The following RAB40C variants were observed in gnomAD, a reference collection of about 807,000 sequenced individuals.
RAB40C encodes the protein ras-related protein Rab-40C.
A neutral mutation model predicts 28.1 loss-of-function variants in RAB40C; 8 were observed. The observed-to-expected ratio is 0.28, with a 90% confidence interval of 0.17 to 0.51. The LOEUF (loss-of-function observed/expected upper bound fraction) is 0.51, where lower values mean the gene tolerates loss of function less well. Ranked by LOEUF, RAB40C falls within the 20% of genes least tolerant of loss-of-function variation. RAB40C has a pLI of 0.97. For synonymous variants in RAB40C, 201 were observed against 171.7 expected (o/e 1.17, Z -1.34); for missense variants, 288 against 405.9 (o/e 0.71, Z 2.50).
intron 1 of RAB40C, among the ~76,000 whole-genome samples, chr16:609,456 A>C (rs1475542405): frequency 6.6e-6 from 1 of 152,152 alleles, no homozygotes; most frequent in Non-Finnish European, 1.5e-5. Context: ...GATAACCGTC[A>C]GCCCAAAAGA....
chr16:593,944 G>A (rs2151058167), intron 1 of RAB40C, among the ~76,000 whole-genome samples: 1 of 152,308 alleles, frequency 6.6e-6, no homozygotes, highest in Admixed American at 6.5e-5. Context: ...TGTGGGTGGT[G>A]CACGCGGCGG....
rs953903325 is a variant in RAB40C at position 610,648 on chromosome 16, A to G, written c.143-6560A>G. Among the ~76,000 whole-genome samples the G allele has an allele frequency of 1.3e-5, 2 of 152,004 alleles. No homozygotes were observed. The highest frequency in any genetic ancestry group is 4.8e-5 in the African/African-American group (2 of 41,350). ...GTGTTGAGCTCTGCAGCCGGAGCCCACTGCCCCTGCCCCTGCGCCGTCCCC... is the reference window on the plus strand; with the variant it reads ...GTGTTGAGCTCTGCAGCCGGAGCCCGCTGCCCCTGCCCCTGCGCCGTCCCC... On this transcript the variant is annotated intron_variant, in intron 1 of 5. Coordinates refer to ENST00000248139, the MANE Select transcript of RAB40C (RefSeq NM_021168.5). The surrounding 1 kb of genome is among the most constrained non-coding windows in gnomAD (Gnocchi z 4.6).
At chr16:611,165 G>A (rs1203062978) in intron 1 of RAB40C, among the ~76,000 whole-genome samples, 1 of 152,186 alleles carries the variant, frequency 6.6e-6, no homozygotes, top group Non-Finnish European at 1.5e-5. Flanking sequence ...AGGTGCTCTA[G>A]AGGCCCCGGC....
intron 1 of RAB40C, among the ~76,000 whole-genome samples, chr16:613,260 C>T (rs2036520363): frequency 6.7e-6 from 1 of 150,072 alleles, no homozygotes; most frequent in Non-Finnish European, 1.5e-5. Flanking sequence ...CCGCCCTGGC[C>T]TGTAGCATCA....
chr16:606,169 C>T (rs1169311589), intron 1 of RAB40C, among the ~76,000 whole-genome samples: 1 of 143,624 alleles, frequency 7.0e-6, no homozygotes, highest in Non-Finnish European at 1.5e-5. Context: ...TTGGCTGACA[C>T]ACAGTCCTCT....
chr16:595,328 G>A (rs1273969136), intron 1 of RAB40C, among the ~76,000 whole-genome samples: 2 of 152,218 alleles, frequency 1.3e-5, no homozygotes, highest in Non-Finnish European at 2.9e-5. Flanking sequence ...CTCAGGAGGC[G>A]GCAGCTGTAG....
chr16:608,055 G>T (rs1368727136), intron 1 of RAB40C, among the ~76,000 whole-genome samples: 1 of 152,124 alleles, frequency 6.6e-6, no homozygotes, highest in African/African-American at 2.4e-5. Context: ...GTACTCACCT[G>T]TTCTCACGCT....
At chr16:625,622 C>T in intron 4 of RAB40C, 113 bp downstream of exon 4, 1 of 1,133,552 alleles carries the variant, frequency 8.8e-7, no homozygotes, top group Non-Finnish European at 1.3e-6. Context: ...CCCGGCTCTG[C>T]ACCCTGCACT....
chr16:596,605 C>T (rs1485251451), intron 1 of RAB40C, among the ~76,000 whole-genome samples: 1 of 152,262 alleles, frequency 6.6e-6, no homozygotes, highest in East Asian at 1.9e-4. Flanking sequence ...GGCGGGGAGA[C>T]TGCTTGTCAG....
At chr16:618,129 C>T in intron 2 of RAB40C, 71 bp from the exon 3 acceptor site, 1 of 1,480,240 alleles carries the variant, frequency 6.8e-7, no homozygotes, top group Non-Finnish European at 9.3e-7. Context: ...GGTGGGTCGG[C>T]AGAGGAGGGA....
Position 590,183 on chromosome 16 carries a change from G to T in RAB40C, c.-109G>T, listed in dbSNP as rs955161262. On this transcript the variant is annotated 5_prime_UTR_variant, in exon 1 of 6. Transcript: ENST00000248139. Reference sequence around the variant, plus strand: ...CTTCGGGCGCGCCCACTCGGCCGCCGTGGGGCGGACGCAACGGGCGCAGGT... The same window carrying T: ...CTTCGGGCGCGCCCACTCGGCCGCCTTGGGGCGGACGCAACGGGCGCAGGT... The T allele has an allele frequency of 8.4e-6, 7 of 832,680 alleles. No homozygotes were observed. The highest frequency in any genetic ancestry group is 1.0e-4 in the East Asian group (1 of 9,908). The allele number at this position is 832,680 out of a possible 1,614,324, so 51.6% of individuals were successfully genotyped here.
intron 1 of RAB40C, among the ~76,000 whole-genome samples, chr16:600,607 T>C (rs1027464558): frequency 6.6e-6 from 1 of 152,140 alleles, no homozygotes; most frequent in Non-Finnish European, 1.5e-5. Context: ...AAAAATTAGC[T>C]TGGCCTGGTG....
chr16:624,299 C>T, intron 3 of RAB40C: 2 of 985,444 alleles, frequency 2.0e-6, no homozygotes, highest in Non-Finnish European at 2.4e-6. Flanking sequence ...ATGAGCCAGC[C>T]CCAGTCCCTG....
chr16:593,865 C>T (rs1167483050), intron 1 of RAB40C, among the ~76,000 whole-genome samples: 1 of 152,176 alleles, frequency 6.6e-6, no homozygotes, highest in African/African-American at 2.4e-5. Flanking sequence ...TGGAACAGAG[C>T]GCTTTGCATA....
At chr16:593,205 G>A (rs1274606921) in intron 1 of RAB40C, among the ~76,000 whole-genome samples, 1 of 152,254 alleles carries the variant, frequency 6.6e-6, no homozygotes, top group Non-Finnish European at 1.5e-5. Flanking sequence ...GCCAACCTCA[G>A]GGGCCAGCCC....
At chr16:613,192 C>G (rs1457784886) in intron 1 of RAB40C, among the ~76,000 whole-genome samples, 1 of 139,214 alleles carries the variant, frequency 7.2e-6, no homozygotes, top group Non-Finnish European at 1.5e-5. Flanking sequence ...CAGCCGCCCT[C>G]ACCTGTAGAA....
chr16:624,801 G>C, intron 3 of RAB40C: 2 of 985,456 alleles, frequency 2.0e-6, no homozygotes, highest in South Asian at 9.4e-5. Flanking sequence ...AGTGTGAGCA[G>C]TGTGCTCCCC....
intron 3 of RAB40C, chr16:624,921 C>G (rs1489338078): frequency 7.8e-7 from 1 of 1,285,302 alleles, no homozygotes. Flanking sequence ...GCAAAAAGTC[C>G]CCGTGGCAAA....
intron 1 of RAB40C, among the ~76,000 whole-genome samples, chr16:593,461 G>T (rs1467809585): frequency 6.6e-6 from 1 of 152,250 alleles, no homozygotes; most frequent in Non-Finnish European, 1.5e-5. Flanking sequence ...TTTCTTCAGG[G>T]CTGCCTGCTG....
Sources: gnomAD v4.1 joint callset for allele counts (sites outside exome capture counted in the v4.1 genomes callset) on GRCh38, gnomAD v4.1.1 for gene constraint, Gnocchi (gnomAD v3.1) non-coding constraint, MANE v1.5 for transcripts, NCBI Gene and HGNC (gene_info 2026-07-23, HGNC 2026-07-21) for gene names.